RORA: variants seen among roughly 807,000 people sequenced by gnomAD.
RORA encodes RAR related orphan receptor A.
Under a neutral mutation model 69.5 loss-of-function variants are expected in RORA, and 7 were observed. The observed-to-expected ratio is 0.10, with a 90% CI of 0.06 to 0.19. RORA has a LOEUF of 0.19. RORA is among the 10% of genes least tolerant of loss of function. The pLI, the probability that RORA is intolerant of heterozygous loss-of-function variation, is 1.00. For synonymous variants in RORA, 261 were observed against 240.8 expected, an observed-to-expected ratio of 1.08 and a Z score of -0.78; for missense variants, 457 against 663.0, an observed-to-expected ratio of 0.69 and a Z score of 3.41.
chr15:60,921,814 A>C (rs1220142083), intron 1 of RORA, among the ~76,000 whole-genome samples: 1 of 152,228 alleles, frequency 6.6e-6, no homozygotes, highest in Non-Finnish European at 1.5e-5. Flanking sequence ...GGCTGCTGTG[A>C]GGATCTAATA....
chr15:60,798,457 T>G (rs1194649958), intron 1 of RORA, among the ~76,000 whole-genome samples: 1 of 152,092 alleles, frequency 6.6e-6, no homozygotes, highest in Admixed American at 6.6e-5. Flanking sequence ...GACTCTTATT[T>G]TAGAAATAAC....
chr15:60,561,536 A>C (rs565107413), intron 2 of RORA, among the ~76,000 whole-genome samples: 1 of 152,316 alleles, frequency 6.6e-6, no homozygotes, highest in South Asian at 2.1e-4. Flanking sequence ...ATCCAGGAAC[A>C]CATGAGGAAG....
chr15:61,135,571 T>G (rs1249994091), intron 1 of RORA, among the ~76,000 whole-genome samples: 6 of 92,648 alleles, frequency 6.5e-5, no homozygotes, highest in Non-Finnish European at 1.0e-4. Context: ...AACTTGTATT[T>G]CCACATCAAA....
chr15:61,038,083 T>C (rs541892577), intron 1 of RORA, among the ~76,000 whole-genome samples: 3 of 152,336 alleles, frequency 2.0e-5, no homozygotes, highest in African/African-American at 7.2e-5. Flanking sequence ...GTATGAACAT[T>C]CGTCTATTAT....
intron 1 of RORA, among the ~76,000 whole-genome samples, chr15:60,980,770 C>T (rs1566932495): frequency 6.6e-6 from 1 of 151,960 alleles, no homozygotes; most frequent in Non-Finnish European, 1.5e-5. Flanking sequence ...TTTTATTTCT[C>T]TTCATCAGAC....
chr15:60,504,626 C>A (rs1054680581), intron 6 of RORA, among the ~76,000 whole-genome samples: 2 of 152,158 alleles, frequency 1.3e-5, no homozygotes, highest in Non-Finnish European at 2.9e-5. Flanking sequence ...AATCCTATTT[C>A]ATATACTTTG....
chr15:61,135,007 T>A (rs1026991383), intron 1 of RORA, among the ~76,000 whole-genome samples: 1 of 151,850 alleles, frequency 6.6e-6, no homozygotes, highest in African/African-American at 2.4e-5. Context: ...CATACCACTG[T>A]CCTGAGAGAT....
intron 2 of RORA, among the ~76,000 whole-genome samples, chr15:60,623,774 G>C: frequency 6.6e-6 from 1 of 152,180 alleles, no homozygotes; most frequent in East Asian, 1.9e-4. Context: ...TTGATGTTCA[G>C]TGTTATTTAG....
At chr15:61,049,804 C>A (rs112151831) in intron 1 of RORA, among the ~76,000 whole-genome samples, 4 of 152,036 alleles carry the variant, frequency 2.6e-5, no homozygotes, top group Non-Finnish European at 4.4e-5. Flanking sequence ...GGATTATAGG[C>A]GCACACCACC....
intron 1 of RORA, among the ~76,000 whole-genome samples, chr15:60,885,874 A>G (rs771033068): frequency 1.3e-5 from 2 of 152,224 alleles, no homozygotes; most frequent in South Asian, 2.1e-4. Context: ...GAGAAAGCAA[A>G]TGTGAAGCAC....
intron 6 of RORA, 109 bp downstream of exon 6, chr15:60,505,399 C>G: frequency 9.2e-7 from 1 of 1,089,870 alleles, no homozygotes; most frequent in Non-Finnish European, 1.4e-6. Flanking sequence ...AAACAGAAAC[C>G]TGATGACATT....
chr15:61,140,138 T>C lies in RORA; in HGVS notation c.166+88915A>G, dbSNP rs147922631. On this transcript the variant is annotated intron_variant, in intron 1 of 10. Transcript: ENST00000335670. ...GAAAAATTTCTCTTCAACATGTCAA[T>C]GGTCTCATTTTACCAGTGTCTGCTC... Among the ~76,000 whole-genome samples, 439 of 152,322 alleles carry C rather than the reference T, an allele frequency of 2.9e-3. 1 individual carries two copies. Among genetic ancestry groups the C allele is most frequent in the African/African-American group, 9.2e-3 (384 of 41,568 alleles).
intron 2 of RORA, among the ~76,000 whole-genome samples, chr15:60,677,856 G>A (rs1405094561): frequency 2.6e-5 from 4 of 152,152 alleles, no homozygotes; most frequent in African/African-American, 7.2e-5. Context: ...GCACGTATCC[G>A]TGGTCTAAAA....
chr15:60,813,831 A>C (rs1050173176), intron 1 of RORA, among the ~76,000 whole-genome samples: 7 of 152,208 alleles, frequency 4.6e-5, no homozygotes, highest in Non-Finnish European at 7.3e-5. Context: ...AATTTTATAT[A>C]ATAGAAAATC....
At chr15:60,966,579 T>C (rs1325479366) in intron 1 of RORA, among the ~76,000 whole-genome samples, 1 of 152,210 alleles carries the variant, frequency 6.6e-6, no homozygotes, top group African/African-American at 2.4e-5. Flanking sequence ...ATTAGATGAA[T>C]GAATAAGTAA....
chr15:60,502,895 C>A, intron 7 of RORA, 28 bp from the exon 8 acceptor site: 2 of 1,430,902 alleles, frequency 1.4e-6, no homozygotes, highest in South Asian at 2.3e-5. Context: ...TGGTTTGGGT[C>A]ATTTGGGTCA....
intron 1 of RORA, among the ~76,000 whole-genome samples, chr15:61,125,605 A>G (rs952491842): frequency 1.3e-5 from 2 of 152,226 alleles, no homozygotes; most frequent in Admixed American, 6.5e-5. Context: ...TTACAAAAGT[A>G]ACTTTATTAT....
chr15:61,142,136 C>G (rs2079305558), intron 1 of RORA, among the ~76,000 whole-genome samples: 1 of 99,566 alleles, frequency 1.0e-5, no homozygotes. Context: ...GCAATATAGA[C>G]CATTTATAAA....
intron 1 of RORA, among the ~76,000 whole-genome samples, chr15:60,762,767 AT>A (rs2071914520): frequency 1.3e-5 from 2 of 152,166 alleles, no homozygotes; most frequent in Admixed American, 1.3e-4. Context: ...AAGGGGGACT[AT>A]TGGTATTTCG....
Sources: gnomAD v4.1 joint callset for allele counts (sites outside exome capture counted in the v4.1 genomes callset) on GRCh38, gnomAD v4.1.1 for gene constraint, MANE v1.5 for transcripts, NCBI Gene and HGNC (gene_info 2026-07-23, HGNC 2026-07-21) for gene names.